The following RPS6KA2 variants were observed in gnomAD, a reference collection of about 807,000 sequenced individuals.
The protein encoded by RPS6KA2 is ribosomal protein S6 kinase alpha-2.
In RPS6KA2, 42 loss-of-function variants were observed where a neutral mutation model predicts 91.8. That is an observed-to-expected ratio of 0.46 (90% confidence interval 0.36 to 0.59). RPS6KA2 has a LOEUF of 0.59. Ranked by LOEUF, RPS6KA2 falls within the 20% of genes least tolerant of loss-of-function variation. The pLI is 0.00. For missense variants in RPS6KA2, 798 were observed against 978.5 expected (o/e 0.82, Z 2.46); for synonymous variants, 414 against 393.6 (o/e 1.05, Z -0.61).
intron 2 of RPS6KA2, among the ~76,000 whole-genome samples, chr6:166,744,763 G>A (rs1197784621): frequency 2.0e-5 from 3 of 152,144 alleles, no homozygotes; most frequent in Admixed American, 6.5e-5. Context: ...GGCACTCCAC[G>A]TCCCTGGCGG....
intron 1 of RPS6KA2, among the ~76,000 whole-genome samples, chr6:166,590,132 A>G (rs1785309324): frequency 6.6e-6 from 1 of 152,254 alleles, no homozygotes; most frequent in Non-Finnish European, 1.5e-5. Context: ...GGCAAGCATC[A>G]TCGGGATGAT....
chr6:166,519,734 A>T (rs1362695753), intron 3 of RPS6KA2, among the ~76,000 whole-genome samples: 2 of 152,182 alleles, frequency 1.3e-5, no homozygotes, highest in Non-Finnish European at 2.9e-5. Context: ...ATGCAACTAG[A>T]GCTACTTTCT....
chr6:166,479,792 C>T (rs1166689017), intron 10 of RPS6KA2, among the ~76,000 whole-genome samples: 1 of 152,246 alleles, frequency 6.6e-6, no homozygotes, highest in Non-Finnish European at 1.5e-5. Flanking sequence ...AGCTGCTTGC[C>T]TGTGTTTGCA....
Position 166,410,551 on chromosome 6 carries a change from C to G in RPS6KA2, c.*2211G>C, listed in dbSNP as rs1778267553. 6.6e-6 allele frequency: 1 copy of G among 152,384 alleles called. No individual in the cohort carries two copies. Among genetic ancestry groups the G allele is most frequent in the Non-Finnish European group, 1.5e-5 (1 of 68,024 alleles). 9.4% of individuals were successfully genotyped at this position (152,384 alleles called of 1,614,324 possible). A position where few individuals can be genotyped will look rare whatever the true frequency, so the allele number is the denominator to read the frequency against. On this transcript the variant is annotated 3_prime_UTR_variant, in exon 21 of 21. Coordinates refer to ENST00000265678, the MANE Select transcript of RPS6KA2 (RefSeq NM_021135.6). ...CTCCTCCGCTGATGCACATCAAATA[C>G]ATGTAAGGACAGAGCTCGCTGTGAT... is the stretch of plus-strand genomic sequence containing the variant.
At chr6:166,678,515 C>T (rs1367587657) in intron 2 of RPS6KA2, among the ~76,000 whole-genome samples, 1 of 152,194 alleles carries the variant, frequency 6.6e-6, no homozygotes, top group Non-Finnish European at 1.5e-5. Context: ...TTCAATCCTT[C>T]TCTCTTTTAT....
intron 3 of RPS6KA2, among the ~76,000 whole-genome samples, chr6:166,510,596 T>TGC (rs1199311620): frequency 2.8e-5 from 3 of 107,442 alleles, no homozygotes; most frequent in Non-Finnish European, 5.5e-5. Context: ...TATATATATA[T>TGC]ATATATATAT....
chr6:166,822,245 G>A (rs182789073), intron 2 of RPS6KA2, among the ~76,000 whole-genome samples: 11 of 152,306 alleles, frequency 7.2e-5, no homozygotes, highest in Non-Finnish European at 1.2e-4. Flanking sequence ...GACTCCCAGC[G>A]CCTCAGAATG....
At position 166,508,009 on chromosome 6, in the gene RPS6KA2, C is replaced by T. The variant is rs78697821; in HGVS notation, c.459+194G>A. On this transcript the variant is annotated intron_variant, in intron 5 of 20. Transcript: ENST00000265678. This position sits in a 1 kb window ranked among gnomAD's most constrained non-coding sequence, Gnocchi z 4.3. ...AACCCCCCACCACACATCATGCACA[C>T]TTGCACACACTCACACATGTACACC... Among the ~76,000 whole-genome samples the T allele has an allele frequency of 4.8e-4, 73 of 150,738 alleles. 3 individuals carry two copies. The East Asian group carries it at 0.012, about 26-fold the overall frequency.
chr6:166,838,736 G>C (rs983408891), intron 2 of RPS6KA2, among the ~76,000 whole-genome samples: 1 of 150,318 alleles, frequency 6.7e-6, no homozygotes, highest in Non-Finnish European at 1.5e-5. Flanking sequence ...TGGAGGACTC[G>C]GAATCTTGGC....
At chr6:166,680,938 A>G (rs546924206) in intron 2 of RPS6KA2, among the ~76,000 whole-genome samples, 30 of 152,080 alleles carry the variant, frequency 2.0e-4, no homozygotes, top group Non-Finnish European at 3.8e-4. Context: ...CTCTCCTCCC[A>G]TTTTTGACTC....
At chr6:166,484,096 C>T (rs1438768983) in intron 10 of RPS6KA2, among the ~76,000 whole-genome samples, 1 of 152,248 alleles carries the variant, frequency 6.6e-6, no homozygotes, top group African/African-American at 2.4e-5. Flanking sequence ...GTCTTTTCTG[C>T]TTTACCACTT....
At chr6:166,719,660 T>A (rs1309534053) in intron 2 of RPS6KA2, among the ~76,000 whole-genome samples, 1 of 152,242 alleles carries the variant, frequency 6.6e-6, no homozygotes, top group Non-Finnish European at 1.5e-5. Flanking sequence ...AAAGGAATGA[T>A]TAAATGAATG....
Position 166,491,055 on chromosome 6 carries a change from G to A in RPS6KA2, c.748-314C>T, listed in dbSNP as rs1365941754. Among the ~76,000 whole-genome samples, 4 of 152,322 alleles carry A rather than the reference G, an allele frequency of 2.6e-5. No individual in the cohort carries two copies. In the East Asian group the frequency reaches 7.7e-4, roughly 29 times the overall value. On this transcript the variant is annotated intron_variant, in intron 8 of 20. Coordinates refer to ENST00000265678, the MANE Select transcript of RPS6KA2 (RefSeq NM_021135.6). Reference sequence around the variant, plus strand: ...GGTCCTGTGGTCAGGCAGTTTGGACGAACACATCTTACACGCGGTTTAGGA... The same window carrying A: ...GGTCCTGTGGTCAGGCAGTTTGGACAAACACATCTTACACGCGGTTTAGGA...
At chr6:166,835,907 C>T (rs1436475887) in intron 2 of RPS6KA2, among the ~76,000 whole-genome samples, 1 of 152,092 alleles carries the variant, frequency 6.6e-6, no homozygotes, top group African/African-American at 2.4e-5. Flanking sequence ...CTTTTTTATC[C>T]ATAATTTTTA....
chr6:166,608,500 A>C (rs12203140), intron 1 of RPS6KA2, among the ~76,000 whole-genome samples: 50 of 152,202 alleles, frequency 3.3e-4, no homozygotes, highest in Non-Finnish European at 6.3e-4. Context: ...ATTTCTAGTT[A>C]TTGAATTCAG....
chr6:166,592,277 G>A (rs1003607053), intron 1 of RPS6KA2, among the ~76,000 whole-genome samples: 3 of 152,186 alleles, frequency 2.0e-5, no homozygotes, highest in African/African-American at 7.2e-5. Flanking sequence ...AGCTTCTGAT[G>A]GGTGCACCTC....
intron 1 of RPS6KA2, among the ~76,000 whole-genome samples, chr6:166,546,333 G>A (rs777997153): frequency 6.6e-6 from 1 of 152,246 alleles, no homozygotes; most frequent in Non-Finnish European, 1.5e-5. Flanking sequence ...TGGGATGAGT[G>A]CCCAAAGGGG....
chr6:166,418,346 T>C lies in RPS6KA2; in HGVS notation c.1821-4A>G. 1 of 1,601,696 alleles carries C rather than the reference T, an allele frequency of 6.2e-7. No homozygotes were observed. The highest frequency in any genetic ancestry group is 8.5e-7 in the Non-Finnish European group (1 of 1,171,772). ...CCCATTTGCAAAAGGGGTAAATCTG[T>C]ATAATTAGACAAATTTGTGGTAATG... On this transcript the variant is annotated splice_polypyrimidine_tract_variant and splice_region_variant and intron_variant, in intron 18 of 20. Coordinates refer to ENST00000265678, the MANE Select transcript of RPS6KA2 (RefSeq NM_021135.6). The surrounding 1 kb of genome is among the most constrained non-coding windows in gnomAD (Gnocchi z 4.9).
chr6:166,497,464 A>G (rs1199102061), intron 8 of RPS6KA2, among the ~76,000 whole-genome samples: 2 of 152,234 alleles, frequency 1.3e-5, no homozygotes, highest in Admixed American at 6.5e-5. Context: ...CTGTGGGCCC[A>G]TCTCCGGAGC....
Sources: gnomAD v4.1 joint callset for allele counts (sites outside exome capture counted in the v4.1 genomes callset) on GRCh38, gnomAD v4.1.1 for gene constraint, Gnocchi (gnomAD v3.1) non-coding constraint, MANE v1.5 for transcripts, NCBI Gene and HGNC (gene_info 2026-07-23, HGNC 2026-07-21) for gene names.